Variants in MECR observed in about 807,000 individuals in gnomAD.
MECR encodes mitochondrial trans-2-enoyl-CoA reductase, also known as enoyl-[acyl-carrier-protein] reductase, mitochondrial.
MECR carries 37 observed loss-of-function variants against 49.1 expected under a neutral mutation model. That is an observed-to-expected ratio of 0.75 (90% CI 0.58 to 0.99). MECR has a LOEUF of 0.99. MECR is among the 50% of genes least tolerant of loss of function. The pLI is 0.00. For missense variants in MECR, 470 were observed against 479.6 expected, an observed-to-expected ratio of 0.98 and a Z score of 0.19; for synonymous variants, 198 against 191.1, an observed-to-expected ratio of 1.04 and a Z score of -0.30.
the MECR span, among the ~76,000 whole-genome samples, chr1:29,182,640 T>G: frequency 6.6e-6 from 1 of 151,326 alleles, no homozygotes; most frequent in African/African-American, 2.4e-5. Context: ...GCCTCCCGGG[T>G]TCAAGCGATT....
intron 1 of MECR, among the ~76,000 whole-genome samples, chr1:29,217,073 G>C (rs1398394982): frequency 1.6e-5 from 2 of 122,834 alleles, no homozygotes; most frequent in Non-Finnish European, 3.2e-5. Context: ...GGCAGAGGTT[G>C]TAGTGAGCTG....
At chr1:29,218,453 G>C (rs909355029) in intron 1 of MECR, among the ~76,000 whole-genome samples, 9 of 152,200 alleles carry the variant, frequency 5.9e-5, no homozygotes, top group African/African-American at 2.2e-4. Context: ...TGCCAACAAG[G>C]TTTTTAGCAT....
chr1:29,221,663 T>C (rs181901173), intron 1 of MECR, among the ~76,000 whole-genome samples: 52 of 152,140 alleles, frequency 3.4e-4, no homozygotes, highest in African/African-American at 1.1e-3. Context: ...AATGCTGAGC[T>C]AGGGAGGAAG....
chr1:29,175,249 C>CA, the MECR span, among the ~76,000 whole-genome samples: 1 of 151,202 alleles, frequency 6.6e-6, no homozygotes, highest in African/African-American at 2.4e-5. Flanking sequence ...CCCGTTTCTA[C>CA]AAAAAATACA....
At chr1:29,168,708 G>A in the MECR span, 1 of 152,126 alleles carries the variant, frequency 6.6e-6, no homozygotes, top group East Asian at 1.9e-4. Context: ...ATCAACCCCC[G>A]GAGTCTGTCT....
In MECR at chr1:29,216,691, C is replaced by A. The variant is rs1679491385; in HGVS notation, c.177-6G>T. On this transcript the variant is annotated splice_region_variant and splice_polypyrimidine_tract_variant and intron_variant, in intron 1 of 9. Transcript: ENST00000263702. The stretch of plus-strand genomic sequence containing the variant: ...CTAGCTCCAGGTTCTTGAGTCTAAG[C>A]ACAAAGCCAAACGGAGATGTTCATG... 2 of 1,614,198 alleles carry A rather than the reference C, an allele frequency of 1.2e-6. No homozygotes were observed. The highest frequency in any genetic ancestry group is 3.3e-4 in the Middle Eastern group (2 of 6,062).
At chr1:29,182,862 AC>A in the MECR span, among the ~76,000 whole-genome samples, 1 of 152,156 alleles carries the variant, frequency 6.6e-6, no homozygotes, top group Non-Finnish European at 1.5e-5. Context: ...CTATTTTCTA[AC>A]CTGTAAAATT....
intron 3 of MECR, among the ~76,000 whole-genome samples, chr1:29,208,596 G>A (rs1018901370): frequency 6.6e-6 from 1 of 152,142 alleles, no homozygotes; most frequent in South Asian, 2.1e-4. Context: ...GGCCCTTATC[G>A]AACATCGACT....
intron 1 of MECR, among the ~76,000 whole-genome samples, chr1:29,228,210 AAAATAAAT>A (rs71025207): frequency 2.0e-4 from 30 of 151,862 alleles, no homozygotes; most frequent in Admixed American, 6.6e-5. Flanking sequence ...ATCTCATCTC[AAAATAAAT>A]AAATAAATAA....
intron 1 of MECR, chr1:29,216,890 T>C (rs1468754134): frequency 8.0e-7 from 1 of 1,244,282 alleles, no homozygotes; most frequent in Non-Finnish European, 1.1e-6. Context: ...ATCCCAGCAC[T>C]TTGGAAGGCC....
At chr1:29,177,290 T>G in the MECR span, among the ~76,000 whole-genome samples, 309 of 151,796 alleles carry the variant, frequency 2.0e-3, 9 homozygotes, top group East Asian at 5.8e-4. Context: ...TTTGTTTTTT[T>G]TTTTTTTTGA....
At chr1:29,221,715 T>C (rs558343970) in intron 1 of MECR, among the ~76,000 whole-genome samples, 26 of 152,242 alleles carry the variant, frequency 1.7e-4, no homozygotes, top group African/African-American at 5.8e-4. Context: ...ACCTGCAGTA[T>C]GGATACAGAG....
chr1:29,200,583 G>T lies in MECR; in HGVS notation c.763C>A (p.Pro255Thr). The T allele has an allele frequency of 6.2e-7, 1 of 1,613,706 alleles. No individual in the cohort carries two copies. Among genetic ancestry groups the T allele is most frequent in the Non-Finnish European group, 8.5e-7 (1 of 1,179,670 alleles). Reference protein sequence around the residue: ...PEMKNFFKDMPQPRLALNCVG... With the variant: ...PEMKNFFKDMTQPRLALNCVG... ...CAGTTGAGAGCAAGCCGTGGCTGGGGCATGTCCTGGAAAACAACAAAAGTG... is the reference window on the plus strand; with the variant it reads ...CAGTTGAGAGCAAGCCGTGGCTGGGTCATGTCCTGGAAAACAACAAAAGTG... The change falls in exon 7 of 10, where the codon CCC (proline) becomes ACC (threonine). Residue 255 changes from proline to threonine, a missense_variant. Coordinates refer to ENST00000263702, the MANE Select transcript of MECR (RefSeq NM_016011.5).
At chr1:29,210,214 G>A in intron 3 of MECR, among the ~76,000 whole-genome samples, 1 of 152,086 alleles carries the variant, frequency 6.6e-6, no homozygotes, top group Non-Finnish European at 1.5e-5. Context: ...GGGTTTCACT[G>A]TGTTAGCCAG....
chr1:29,195,834 C>G, intron 9 of MECR, 107 bp downstream of exon 9: 2 of 1,089,048 alleles, frequency 1.8e-6, no homozygotes, highest in Admixed American at 3.5e-5. Flanking sequence ...TTCTGTGGGG[C>G]TGGGGACCCA....
chr1:29,203,355 T>C, intron 4 of MECR, 122 bp from the exon 5 acceptor site: 1 of 675,832 alleles, frequency 1.5e-6, no homozygotes, highest in Non-Finnish European at 2.5e-6. Flanking sequence ...ACCCAGGACC[T>C]GGCTGCTGAG....
chr1:29,226,447 A>C (rs1322136534), intron 1 of MECR, among the ~76,000 whole-genome samples: 1 of 152,092 alleles, frequency 6.6e-6, no homozygotes, highest in Non-Finnish European at 1.5e-5. Context: ...CCTTTTTCCC[A>C]ATTTTATAGT....
intron 4 of MECR, among the ~76,000 whole-genome samples, chr1:29,205,504 G>C (rs1335667521): frequency 4.6e-5 from 7 of 151,706 alleles, no homozygotes; most frequent in Admixed American, 1.3e-4. Flanking sequence ...ATTCTGCAGT[G>C]GGTTCTGAGA....
chr1:29,196,395 T>TA, intron 7 of MECR, 137 bp from the exon 8 acceptor site: 1 of 805,800 alleles, frequency 1.2e-6, no homozygotes, highest in Non-Finnish European at 2.0e-6. Context: ...GGTTGAAAAA[T>TA]ACAGATTCCA....
Sources: allele counts gnomAD v4.1 joint callset (sites outside exome capture counted in the v4.1 genomes callset), GRCh38; gene constraint gnomAD v4.1.1; transcripts MANE v1.5; gene names NCBI Gene and HGNC (gene_info 2026-07-23, HGNC 2026-07-21).